The following DCLK1 variants were observed in gnomAD, a reference collection of about 807,000 sequenced individuals.
The protein encoded by DCLK1 is doublecortin like kinase 1.
A neutral mutation model predicts 86.2 loss-of-function variants in DCLK1; 16 were observed. The ratio of observed to expected loss-of-function variants is 0.19; its 90% confidence interval spans 0.13 to 0.28. The LOEUF (loss-of-function observed/expected upper bound fraction) is 0.28, where lower values mean the gene tolerates loss of function less well. Ranked by LOEUF, DCLK1 falls within the 10% of genes least tolerant of loss-of-function variation. DCLK1 has a pLI of 1.00. For synonymous variants in DCLK1, 369 were observed against 370.5 expected (o/e 1.00, Z 0.05); for missense variants, 590 against 940.2 (o/e 0.63, Z 4.87).
At chr13:35,854,399 G>C (rs1870896217) in intron 6 of DCLK1, 100 bp downstream of exon 6, 1 of 891,728 alleles carries the variant, frequency 1.1e-6, no homozygotes, top group Non-Finnish European at 1.6e-6. Flanking sequence ...TTCTAGCTTA[G>C]ATATCGCCTA....
chr13:35,823,059 T>A (rs2087434638), intron 10 of DCLK1, among the ~76,000 whole-genome samples, 184 bp from the exon 11 acceptor site: 1 of 152,064 alleles, frequency 6.6e-6, no homozygotes, highest in Non-Finnish European at 1.5e-5. Flanking sequence ...CTCCACCCAC[T>A]ACAAAAACCA....
chr13:36,051,101 T>C (rs1460964506), intron 3 of DCLK1, among the ~76,000 whole-genome samples: 2 of 152,196 alleles, frequency 1.3e-5, no homozygotes, highest in Non-Finnish European at 2.9e-5. Context: ...CCTTTCGTAT[T>C]ATTTACTACA....
chr13:36,115,916 G>T (rs900870555), intron 2 of DCLK1, among the ~76,000 whole-genome samples: 1 of 149,366 alleles, frequency 6.7e-6, no homozygotes, highest in Admixed American at 6.7e-5. Flanking sequence ...GAGTTCCTGT[G>T]TAAAAAATCA....
At chr13:36,129,918 G>A (rs1293081343) in intron 1 of DCLK1, among the ~76,000 whole-genome samples, 1 of 152,026 alleles carries the variant, frequency 6.6e-6, no homozygotes, top group African/African-American at 2.4e-5. Flanking sequence ...TTCTCTAGAT[G>A]AGCACATGGT....
chr13:35,791,978 C>T (rs1344624179), intron 16 of DCLK1, among the ~76,000 whole-genome samples: 1 of 152,164 alleles, frequency 6.6e-6, no homozygotes, highest in Non-Finnish European at 1.5e-5. Flanking sequence ...GATATTGTTG[C>T]TTTCAAAACT....
intron 5 of DCLK1, among the ~76,000 whole-genome samples, chr13:35,870,542 A>G (rs1157647912): frequency 6.6e-6 from 1 of 152,224 alleles, no homozygotes; most frequent in Admixed American, 6.5e-5. Context: ...AATAATTCCC[A>G]ATACAATTTG....
intron 4 of DCLK1, among the ~76,000 whole-genome samples, chr13:35,895,486 G>A (rs111736459): frequency 1.9e-3 from 285 of 152,174 alleles, no homozygotes; most frequent in Middle Eastern, 3.4e-3. Flanking sequence ...TTTCTACATT[G>A]TATCTATTTT....
At chr13:35,907,747 C>T (rs757242989) in intron 4 of DCLK1, among the ~76,000 whole-genome samples, 3 of 151,442 alleles carry the variant, frequency 2.0e-5, no homozygotes, top group Non-Finnish European at 2.9e-5. Context: ...GACACTATGG[C>T]TCAGAGGTTC....
chr13:36,002,921 G>A (rs1880783261), intron 3 of DCLK1, among the ~76,000 whole-genome samples: 1 of 152,160 alleles, frequency 6.6e-6, no homozygotes, highest in Non-Finnish European at 1.5e-5. Flanking sequence ...CTGAGGGCTG[G>A]GGAGGCCTTG....
intron 16 of DCLK1, among the ~76,000 whole-genome samples, chr13:35,779,632 A>T (rs1303144244): frequency 6.6e-6 from 1 of 152,216 alleles, no homozygotes; most frequent in South Asian, 2.1e-4. Context: ...AGTAAAAAGT[A>T]TTAAGAGTCA....
chr13:35,924,219 A>G (rs9574926), intron 4 of DCLK1, among the ~76,000 whole-genome samples: 98,648 of 151,934 alleles, frequency 0.65, 32,444 homozygotes, highest in Admixed American at 0.76. Context: ...ATTAAAGTCC[A>G]GAGTTTCTGA....
intron 3 of DCLK1, among the ~76,000 whole-genome samples, chr13:36,088,829 C>A (rs968896871): frequency 3.3e-5 from 5 of 152,204 alleles, no homozygotes; most frequent in Admixed American, 6.5e-5. Context: ...TATGTCTTAG[C>A]TCATAATAAC....
chr13:36,066,099 A>C (rs550246487), intron 3 of DCLK1, among the ~76,000 whole-genome samples: 1 of 152,344 alleles, frequency 6.6e-6, no homozygotes, highest in East Asian at 1.9e-4. Flanking sequence ...GCATTTTATA[A>C]TATGCTAAGA....
intron 11 of DCLK1, among the ~76,000 whole-genome samples, chr13:35,820,624 G>T (rs553265124): frequency 6.6e-6 from 1 of 152,284 alleles, no homozygotes; most frequent in African/African-American, 2.4e-5. Context: ...TTAATTTTCA[G>T]TCGCTGAAGT....
At chr13:35,989,827 C>T (rs939502480) in intron 3 of DCLK1, among the ~76,000 whole-genome samples, 1 of 151,220 alleles carries the variant, frequency 6.6e-6, no homozygotes, top group Admixed American at 6.6e-5. Flanking sequence ...GCTGGGATTA[C>T]AGGCATAAGC....
chr13:35,850,264 T>C, intron 6 of DCLK1: 2 of 984,422 alleles, frequency 2.0e-6, no homozygotes, highest in Non-Finnish European at 2.4e-6. Flanking sequence ...AAAAACAATA[T>C]AACCTTTAGA....
At chr13:35,827,954 C>G (rs898632227) in intron 9 of DCLK1, among the ~76,000 whole-genome samples, 200 bp from the exon 10 acceptor site, 3 of 152,102 alleles carry the variant, frequency 2.0e-5, no homozygotes, top group Non-Finnish European at 4.4e-5. Context: ...CTTGCAAATT[C>G]AGAACCAATC....
chr13:35,908,580 CA>C (rs1024955740), intron 4 of DCLK1, among the ~76,000 whole-genome samples: 1 of 152,110 alleles, frequency 6.6e-6, no homozygotes, highest in African/African-American at 2.4e-5. Flanking sequence ...TTATTTGAAA[CA>C]GGGTCTCAGT....
chr13:35,912,583 T>G (rs1200233951), intron 4 of DCLK1, among the ~76,000 whole-genome samples: 1 of 152,158 alleles, frequency 6.6e-6, no homozygotes, highest in Non-Finnish European at 1.5e-5. Flanking sequence ...GAAGATTACC[T>G]GCCCAACCTG....
Sources: allele counts gnomAD v4.1 joint callset (sites outside exome capture counted in the v4.1 genomes callset), GRCh38; gene constraint gnomAD v4.1.1; transcripts MANE v1.5; gene names NCBI Gene and HGNC (gene_info 2026-07-23, HGNC 2026-07-21).